ZNF407: variants seen among roughly 807,000 people sequenced by gnomAD.
The protein encoded by ZNF407 is zinc finger protein 407.
Under a neutral mutation model 131.2 loss-of-function variants are expected in ZNF407, and 17 were observed. That is an observed-to-expected ratio of 0.13 (90% CI 0.09 to 0.19). The LOEUF is 0.19. Among genes scored for constraint, ZNF407 ranks in the 10% least tolerant of loss-of-function variants. The pLI is 1.00. For synonymous variants in ZNF407, 1,156 were observed against 1,062.0 expected (o/e 1.09, Z -1.72); for missense variants, 2,681 against 2,830.6 (o/e 0.95, Z 1.20).
At chr18:75,043,939 C>T (rs1440685607) in intron 8 of ZNF407, among the ~76,000 whole-genome samples, 2 of 152,124 alleles carry the variant, frequency 1.3e-5, no homozygotes, top group South Asian at 2.1e-4. Flanking sequence ...TAAACTGCTC[C>T]GTTTACTTTG....
intron 3 of ZNF407, among the ~76,000 whole-genome samples, chr18:74,721,204 C>T (rs1968028326): frequency 6.6e-6 from 1 of 152,090 alleles, no homozygotes; most frequent in African/African-American, 2.4e-5. Context: ...AGAGGTCTTT[C>T]ACCTCCTTGG....
chr18:74,610,875 T>A (rs1706057119), intron 1 of ZNF407, among the ~76,000 whole-genome samples: 1 of 152,150 alleles, frequency 6.6e-6, no homozygotes, highest in African/African-American at 2.4e-5. Context: ...ATTTTTAAGG[T>A]TTCTTCCTGG....
chr18:75,029,778 G>T (rs1435750345), intron 8 of ZNF407, among the ~76,000 whole-genome samples: 1 of 152,212 alleles, frequency 6.6e-6, no homozygotes, highest in South Asian at 2.1e-4. Context: ...GTCAACATGC[G>T]TGAGTACAGT....
chr18:74,987,253 A>G (rs1188368887), intron 8 of ZNF407, among the ~76,000 whole-genome samples: 1 of 152,070 alleles, frequency 6.6e-6, no homozygotes, highest in Non-Finnish European at 1.5e-5. Flanking sequence ...ATACATAGAT[A>G]AGTCCAAAGT....
intron 3 of ZNF407, among the ~76,000 whole-genome samples, chr18:74,665,610 T>C (rs1985899997): frequency 1.3e-5 from 2 of 152,178 alleles, no homozygotes; most frequent in Admixed American, 1.3e-4. Context: ...GTAGGCACCT[T>C]ATAGTCCCTG....
At chr18:74,823,933 T>C (rs1017766929) in intron 4 of ZNF407, among the ~76,000 whole-genome samples, 1 of 152,202 alleles carries the variant, frequency 6.6e-6, no homozygotes, top group Admixed American at 6.5e-5. Flanking sequence ...CTCATTGCAC[T>C]TATTCTAAAA....
At chr18:74,699,970 A>T (rs1254304185) in intron 3 of ZNF407, among the ~76,000 whole-genome samples, 1 of 152,168 alleles carries the variant, frequency 6.6e-6, no homozygotes, top group Non-Finnish European at 1.5e-5. Context: ...TACTTAAATG[A>T]TCATTGCCCT....
At chr18:75,035,012 T>C (rs989727329) in intron 8 of ZNF407, among the ~76,000 whole-genome samples, 15 of 152,234 alleles carry the variant, frequency 9.9e-5, no homozygotes, top group African/African-American at 3.6e-4. Flanking sequence ...TATTCACTCA[T>C]GAAAGAAAGA....
intron 3 of ZNF407, among the ~76,000 whole-genome samples, chr18:74,775,203 C>T (rs928874938): frequency 1.3e-5 from 2 of 152,108 alleles, no homozygotes; most frequent in Non-Finnish European, 2.9e-5. Context: ...TGGAAGGTTT[C>T]TACTTGGATT....
intron 8 of ZNF407, among the ~76,000 whole-genome samples, chr18:74,945,142 C>T (rs545080086): frequency 9.9e-5 from 15 of 152,200 alleles, no homozygotes; most frequent in African/African-American, 3.6e-4. Context: ...TGTATCAAAA[C>T]CTGTTGCCTT....
chr18:74,647,766 C>G (rs1038398015), intron 3 of ZNF407, among the ~76,000 whole-genome samples: 13 of 152,052 alleles, frequency 8.5e-5, no homozygotes, highest in African/African-American at 3.1e-4. Context: ...GGCATGGTGA[C>G]AAGGTGGTGC....
In ZNF407 at chr18:75,035,973, G is replaced by A. The variant is rs73971352; in HGVS notation, c.5429-27177G>A. Among the ~76,000 whole-genome samples the A allele has an allele frequency of 4.5e-3, 688 of 152,334 alleles. 6 individuals are homozygous for A. The highest frequency in any genetic ancestry group is 0.016 in the African/African-American group (645 of 41,580). On this transcript the variant is annotated intron_variant, in intron 8 of 8. Coordinates refer to ENST00000299687, the MANE Select transcript of ZNF407 (RefSeq NM_017757.3). The stretch of plus-strand genomic sequence containing the variant: ...TTAATAGAAAACAAAGAAACCAGAG[G>A]TGGCAGGAATGGGTGAGAGGTGGGC...
At chr18:74,598,760 C>T (rs1294782022) in intron 1 of ZNF407, among the ~76,000 whole-genome samples, 7 of 152,260 alleles carry the variant, frequency 4.6e-5, no homozygotes, top group African/African-American at 1.7e-4. Flanking sequence ...AGATGCTCAC[C>T]TCTTTCCAGC....
At chr18:74,822,308 G>A (rs1970352233) in intron 4 of ZNF407, among the ~76,000 whole-genome samples, 1 of 152,120 alleles carries the variant, frequency 6.6e-6, no homozygotes, top group Non-Finnish European at 1.5e-5. Flanking sequence ...TGTTGCCATT[G>A]CTTTTGGTGT....
chr18:74,809,794 G>A (rs916346591), intron 4 of ZNF407, among the ~76,000 whole-genome samples: 2 of 152,194 alleles, frequency 1.3e-5, no homozygotes, highest in African/African-American at 4.8e-5. Flanking sequence ...TAAGCTGGAA[G>A]GTCGTAGCAT....
intron 2 of ZNF407, among the ~76,000 whole-genome samples, chr18:74,640,395 C>T (rs925427815): frequency 2.6e-5 from 4 of 151,964 alleles, no homozygotes; most frequent in African/African-American, 9.6e-5. Flanking sequence ...TAATCATCAT[C>T]GATTTTTGAC....
chr18:74,792,310 T>C (rs1424095811), intron 4 of ZNF407, among the ~76,000 whole-genome samples: 1 of 152,060 alleles, frequency 6.6e-6, no homozygotes, highest in Non-Finnish European at 1.5e-5. Flanking sequence ...GCAGAACATG[T>C]AGATGAAAGT....
chr18:74,736,769 C>G (rs1346098496), intron 3 of ZNF407, among the ~76,000 whole-genome samples: 1 of 152,116 alleles, frequency 6.6e-6, no homozygotes, highest in African/African-American at 2.4e-5. Context: ...GATCTAAATA[C>G]ATATTTTTAA....
At chr18:74,898,804 T>C (rs1050812123) in intron 7 of ZNF407, among the ~76,000 whole-genome samples, 2 of 152,240 alleles carry the variant, frequency 1.3e-5, no homozygotes, top group Non-Finnish European at 2.9e-5. Flanking sequence ...ACAAGACTTT[T>C]TTCCATTGAG....
Sources: gnomAD v4.1 joint callset for allele counts (sites outside exome capture counted in the v4.1 genomes callset) on GRCh38, gnomAD v4.1.1 for gene constraint, MANE v1.5 for transcripts, NCBI Gene and HGNC (gene_info 2026-07-23, HGNC 2026-07-21) for gene names.